ITFG2: variants seen among roughly 807,000 people sequenced by gnomAD.
ITFG2 encodes KICSTOR complex protein ITFG2.
A neutral mutation model predicts 54.4 loss-of-function variants in ITFG2; 36 were observed. The ratio of observed to expected loss-of-function variants is 0.66; its 90% CI spans 0.51 to 0.87. The LOEUF (loss-of-function observed/expected upper bound fraction) is 0.87. Ranked by LOEUF, ITFG2 falls within the 40% of genes least tolerant of loss-of-function variation. The probability of loss-of-function intolerance (pLI) is 0.00; values close to 1 mark genes in which losing one functional copy is unlikely to be tolerated. For missense variants in ITFG2, 524 were observed against 576.7 expected (o/e 0.91, Z 0.94); for synonymous variants, 211 against 225.4 (o/e 0.94, Z 0.57).
At chr12:2,841,310 G>A (rs374640634) in intron 2 of ITFG2, among the ~76,000 whole-genome samples, 2 of 152,206 alleles carry the variant, frequency 1.3e-5, no homozygotes, top group Non-Finnish European at 2.9e-5. Context: ...CGGAGATCAC[G>A]GAGTACCACT....
rs974601014 is a variant in ITFG2, at chr12:2,824,080, T to C, written c.1241-10T>C. 3 of 1,614,070 alleles carry C rather than the reference T, an allele frequency of 1.9e-6. No homozygotes were observed. The highest frequency in any genetic ancestry group is 2.5e-6 in the Non-Finnish European group (3 of 1,180,022). ...CCACAGCCTCTTACCCACCCCTTCT[T>C]GGCTCTCAGATCCTGACGACCTCCC... is the stretch of plus-strand genomic sequence containing the variant. On this transcript the variant is annotated splice_polypyrimidine_tract_variant and intron_variant, in intron 11 of 11. Coordinates refer to ENST00000228799, the MANE Select transcript of ITFG2 (RefSeq NM_018463.4).
At chr12:2,831,021 TA>T, downstream of ITFG2, 1 of 576,464 alleles carries the variant, frequency 1.7e-6, no homozygotes, top group Non-Finnish European at 2.8e-6. Context: ...GAGAGCAGAG[TA>T]AGCCCCAGTA....
chr12:2,855,218 C>T, intron 2 of ITFG2: 1 of 1,505,908 alleles, frequency 6.6e-7, no homozygotes, highest in South Asian at 1.3e-5. Context: ...AGACGGCACA[C>T]ATCGAGCCAC....
Position 2,817,083 on chromosome 12 carries a change from C to T in ITFG2, c.97-140C>T, listed in dbSNP as rs183882302. On this transcript the variant is annotated intron_variant, in intron 1 of 11. Transcript: ENST00000228799. ...GTGGGATTACAAGTGTGAGTCATTG[C>T]ACCTGGCCAGACTTTTAATAAAGTA... The T allele has an allele frequency of 1.5e-4, 93 of 605,094 alleles. No homozygotes were observed. The Admixed American group carries it at 1.8e-3, about 11-fold the overall frequency. The allele number at this position is 605,094 out of a possible 1,614,324, so 37.5% of individuals were successfully genotyped here.
chr12:2,817,648 T>C, intron 2 of ITFG2: 2 of 527,822 alleles, frequency 3.8e-6, no homozygotes, highest in South Asian at 3.1e-5. Context: ...TGTGATAGCC[T>C]AGCTCTATTA....
intron 2 of ITFG2, among the ~76,000 whole-genome samples, chr12:2,847,879 A>G (rs998409779): frequency 6.6e-6 from 1 of 152,206 alleles, no homozygotes; most frequent in Non-Finnish European, 1.5e-5. Context: ...TGTAGCATCT[A>G]TCAATACTCA....
intron 2 of ITFG2, chr12:2,855,595 C>T (rs1050045687): frequency 1.9e-6 from 1 of 525,432 alleles, no homozygotes; most frequent in Non-Finnish European, 3.2e-6. Flanking sequence ...GGCCGCATCT[C>T]CATCCCTCTC....
chr12:2,853,574 G>GTT (rs199720090), intron 2 of ITFG2, among the ~76,000 whole-genome samples: 1 of 150,452 alleles, frequency 6.6e-6, no homozygotes, highest in African/African-American at 2.5e-5. Context: ...GGCCCGGCCT[G>GTT]TTTTTTTTGT....
chr12:2,820,833 G>A lies in ITFG2; in HGVS notation c.656G>A (p.Gly219Glu). The A allele has an allele frequency of 6.2e-7, 1 of 1,614,038 alleles. No homozygotes were observed. Among genetic ancestry groups the A allele is most frequent in the South Asian group, 1.1e-5 (1 of 91,072 alleles). The change falls in exon 6 of 12, where the codon GGG (glycine) becomes GAG (glutamate). Residue 219 changes from glycine to glutamate, a missense_variant. By Grantham distance (98) the Gly-to-Glu change is moderately conservative. Transcript: ENST00000228799. Reference sequence around the variant, plus strand: ...CTGTGTACCTGGAAAAAGGACACTGGGTCCCCTCCTGCCTCTGAAGGGCCC... The same window carrying A: ...CTGTGTACCTGGAAAAAGGACACTGAGTCCCCTCCTGCCTCTGAAGGGCCC... ...ILLCTWKKDT[G>E]SPPASEGPTD...
In ITFG2 at chr12:2,816,825, A is replaced by G. The variant is rs142184432; in HGVS notation, c.97-398A>G. On this transcript the variant is annotated intron_variant, in intron 1 of 11. Transcript: ENST00000228799. Reference sequence around the variant, plus strand: ...CTTGGGTAATTTTTGTATTTTTTGTAGAGACAAGGTTTCACCATGTTGGCT... The same window carrying G: ...CTTGGGTAATTTTTGTATTTTTTGTGGAGACAAGGTTTCACCATGTTGGCT... Among the ~76,000 whole-genome samples the G allele has an allele frequency of 5.0e-3, 746 of 150,522 alleles. 5 individuals are homozygous for G. The highest frequency in any genetic ancestry group is 0.017 in the African/African-American group (699 of 40,732).
At chr12:2,858,606 G>A (rs1458101443) in intron 3 of ITFG2, 33 of 1,590,558 alleles carry the variant, frequency 2.1e-5, no homozygotes, top group Non-Finnish European at 2.7e-5. Flanking sequence ...CGGGATGGTG[G>A]ACAGCTTGAG....
chr12:2,849,723 G>C (rs2098064097), intron 2 of ITFG2, among the ~76,000 whole-genome samples: 1 of 152,182 alleles, frequency 6.6e-6, no homozygotes, highest in Admixed American at 6.5e-5. Context: ...GTGTGTGTTG[G>C]TGTTAGGCTG....
chr12:2,849,078 G>T, intron 2 of ITFG2: 1 of 706,274 alleles, frequency 1.4e-6, no homozygotes, highest in Non-Finnish European at 2.3e-6. Context: ...CTGGGGTACA[G>T]AGGTGGCTTG....
chr12:2,816,353 A>G (rs1237828429), intron 1 of ITFG2, among the ~76,000 whole-genome samples: 9 of 128,094 alleles, frequency 7.0e-5, no homozygotes, highest in Admixed American at 4.2e-4. Context: ...TTTTTGAGAC[A>G]GAGTCTCGCT....
Position 2,817,941 on chromosome 12 carries a change from T to C in ITFG2, c.225T>C (p.Asn75=). 1 of 1,613,884 alleles carries C rather than the reference T, an allele frequency of 6.2e-7. No individual in the cohort carries two copies. The change falls in exon 3 of 12, where the codon AAT becomes AAC. Residue 75 remains asparagine, a synonymous_variant. Transcript: ENST00000228799. The part of the protein sequence containing the change: ...LTCVGVGDVC[N]KGKNLLVAVS... ...GCGTTGGGGTTGGAGACGTGTGTAA[T>C]AAAGGAAAGGTAAGAACTATAGGGG...
downstream of ITFG2, among the ~76,000 whole-genome samples, chr12:2,831,382 G>A (rs948606552): frequency 1.3e-5 from 2 of 151,866 alleles, no homozygotes; most frequent in African/African-American, 2.4e-5. Context: ...TCAGGAGTTC[G>A]AGACCAGCCT....
intron 3 of ITFG2, chr12:2,859,063 A>T: frequency 1.2e-6 from 2 of 1,608,266 alleles, no homozygotes; most frequent in Non-Finnish European, 1.7e-6. Context: ...AGCCTCCAGG[A>T]TTCAGGGGTT....
At chr12:2,848,210 G>A (rs2098058643) in intron 2 of ITFG2, among the ~76,000 whole-genome samples, 1 of 152,176 alleles carries the variant, frequency 6.6e-6, no homozygotes, top group South Asian at 2.1e-4. Context: ...GAAGGCCGTG[G>A]GCAGGAGGCC....
upstream of ITFG2, chr12:2,834,587 G>T (rs2098018904): frequency 3.9e-6 from 6 of 1,524,354 alleles, no homozygotes; most frequent in Non-Finnish European, 5.3e-6. Context: ...CTCAGGATCT[G>T]GGAAGTGGAA....
Sources: gnomAD v4.1 joint callset for allele counts (sites outside exome capture counted in the v4.1 genomes callset) on GRCh38, gnomAD v4.1.1 for gene constraint, MANE v1.5 for transcripts, NCBI Gene and HGNC (gene_info 2026-07-23, HGNC 2026-07-21) for gene names.